Variants in PARP4 observed in about 807,000 individuals in gnomAD.
PARP4 encodes the protein poly(ADP-ribose) polymerase family member 4.
A neutral mutation model predicts 187.7 loss-of-function variants in PARP4; 120 were observed. The ratio of observed to expected loss-of-function variants is 0.64; its 90% CI spans 0.55 to 0.74. The LOEUF (loss-of-function observed/expected upper bound fraction) is 0.74. PARP4 is among the 30% of genes least tolerant of loss of function. The pLI, the probability that PARP4 is intolerant of heterozygous loss-of-function variation, is 0.00. For missense variants in PARP4, 1,836 were observed against 2,070.5 expected (o/e 0.89, Z 2.20); for synonymous variants, 654 against 740.9 (o/e 0.88, Z 1.90).
rs149131599 is a variant in PARP4, at chr13:24,478,252, C to T, written c.1473G>A (p.Pro491=). The change falls in exon 13 of 34, where the codon CCG becomes CCA. Residue 491 remains proline (P), a synonymous_variant. Coordinates refer to ENST00000381989, the MANE Select transcript of PARP4 (RefSeq NM_006437.4). ...SLSTSIKYSH[P]GETDGTRLLL... is the part of the protein sequence containing the mutation. ...GGAGTCTGGTGCCATCTGTCTCTCC[C>T]GGGTGTGAGTACTTGATACTTGTAC... 38 of 1,610,478 alleles carry T rather than the reference C, an allele frequency of 2.4e-5. 1 individual carries two copies. Among genetic ancestry groups the T allele is most frequent in the South Asian group, 1.7e-4 (15 of 90,622 alleles).
At chr13:24,438,378 T>C (rs977014062) in intron 30 of PARP4, among the ~76,000 whole-genome samples, 12 of 152,154 alleles carry the variant, frequency 7.9e-5, no homozygotes, top group Non-Finnish European at 1.5e-4. Flanking sequence ...TCACTGCCCC[T>C]CACCTCCTGC....
intron 1 of PARP4, among the ~76,000 whole-genome samples, chr13:24,504,844 C>T (rs1362454915): frequency 2.0e-5 from 3 of 151,864 alleles, no homozygotes; most frequent in Non-Finnish European, 4.4e-5. Flanking sequence ...CAGGCGCCCA[C>T]CATGACACCT....
intron 3 of PARP4, among the ~76,000 whole-genome samples, chr13:24,500,588 A>G (rs73154380): frequency 0.079 from 12,023 of 152,304 alleles, 649 homozygotes; most frequent in Non-Finnish European, 0.12. Flanking sequence ...TTTAATAAGC[A>G]TATCAGGAGG....
chr13:24,495,532 A>T (rs1868897834), intron 6 of PARP4, among the ~76,000 whole-genome samples: 1 of 152,130 alleles, frequency 6.6e-6, no homozygotes, highest in Non-Finnish European at 1.5e-5. Flanking sequence ...CTCATCCCAA[A>T]CTGCCTGTGG....
At chr13:24,425,483 T>C (rs545046861) in intron 33 of PARP4, among the ~76,000 whole-genome samples, 1 of 152,180 alleles carries the variant, frequency 6.6e-6, no homozygotes, top group East Asian at 1.9e-4. Context: ...ATCTTGCCTT[T>C]AAAAGAACAT....
chr13:24,506,228 C>T (rs914644927), intron 1 of PARP4, among the ~76,000 whole-genome samples: 1 of 151,790 alleles, frequency 6.6e-6, no homozygotes, highest in African/African-American at 2.4e-5. Context: ...GGCGGCGCAT[C>T]CAGAGTTTGT....
intron 25 of PARP4, among the ~76,000 whole-genome samples, chr13:24,447,892 C>A (rs1486062134): frequency 1.3e-5 from 2 of 152,188 alleles, no homozygotes; most frequent in Non-Finnish European, 2.9e-5. Context: ...ATTTCACACC[C>A]AGTGGGATGG....
chr13:24,451,710 C>A (rs1040124559), intron 24 of PARP4, among the ~76,000 whole-genome samples: 1 of 152,180 alleles, frequency 6.6e-6, no homozygotes, highest in Non-Finnish European at 1.5e-5. Flanking sequence ...CAGAGGCAGG[C>A]AGGATGGGCA....
intron 32 of PARP4, among the ~76,000 whole-genome samples, chr13:24,427,979 G>A (rs1472252875): frequency 3.3e-5 from 5 of 151,970 alleles, no homozygotes; most frequent in Non-Finnish European, 5.9e-5. Flanking sequence ...GTGTATCAGC[G>A]TCATTTAAAA....
intron 27 of PARP4, among the ~76,000 whole-genome samples, chr13:24,445,139 T>G (rs1871146581): frequency 6.6e-6 from 1 of 152,100 alleles, no homozygotes; most frequent in Non-Finnish European, 1.5e-5. Context: ...CTTCTTTGAG[T>G]CTCACGTGGC....
chr13:24,505,263 G>T (rs1448968802), intron 1 of PARP4, among the ~76,000 whole-genome samples: 7 of 152,262 alleles, frequency 4.6e-5, no homozygotes, highest in Admixed American at 3.9e-4. Flanking sequence ...CCAGCCTAAT[G>T]CCACAGCCCA....
chr13:24,449,638 CAG>C, intron 25 of PARP4, 78 bp downstream of exon 25: 1 of 827,482 alleles, frequency 1.2e-6, no homozygotes, highest in Non-Finnish European at 2.0e-6. Flanking sequence ...CAAGGAAACA[CAG>C]ATATTCCTAT....
At chr13:24,452,208 G>A (rs540443092) in intron 24 of PARP4, 198 bp downstream of exon 24, 1 of 516,266 alleles carries the variant, frequency 1.9e-6, no homozygotes, top group Admixed American at 3.5e-5. Context: ...CTTGCTCAAG[G>A]TCACGGCTAA....
At chr13:24,507,079 C>T (rs927933091) in intron 1 of PARP4, among the ~76,000 whole-genome samples, 9 of 149,068 alleles carry the variant, frequency 6.0e-5, no homozygotes, top group Non-Finnish European at 1.0e-4. Context: ...CCGGGGCCGG[C>T]GGGGCCAGCG....
rs1404864373 is a variant in PARP4 at position 24,435,144 on chromosome 13, C to G, written c.3997G>C (p.Ala1333Pro). 3 of 1,614,082 alleles carry G rather than the reference C, an allele frequency of 1.9e-6. No homozygotes were observed. Among genetic ancestry groups the G allele is most frequent in the East Asian group, 4.5e-5 (2 of 44,882 alleles). Residue 1333 changes from alanine to proline, a missense_variant, in exon 31 of 34, where the codon GCT becomes CCT. Coordinates refer to ENST00000381989, the MANE Select transcript of PARP4 (RefSeq NM_006437.4). ...AAAGACAAGGAAGCAGGACTGTGAG[C>G]GCGGGCAGTCGGGGGAAGATAGGAA... ...VGSYLPPTARAHSPASLSFAS... is the reference protein window; with the variant it reads ...VGSYLPPTARPHSPASLSFAS...
chr13:24,453,718 CAAT>C (rs1216886981), intron 22 of PARP4, 64 bp from the exon 23 acceptor site: 29 of 866,840 alleles, frequency 3.3e-5, no homozygotes, highest in Non-Finnish European at 5.2e-5. Flanking sequence ...CACTAACAAA[CAAT>C]AATGTTATTT....
At chr13:24,444,449 A>G (rs1490094497) in intron 27 of PARP4, among the ~76,000 whole-genome samples, 8 of 152,280 alleles carry the variant, frequency 5.3e-5, no homozygotes, top group East Asian at 1.9e-4. Flanking sequence ...TAGTAAGTCA[A>G]TGATACCGAT....
intron 25 of PARP4, among the ~76,000 whole-genome samples, chr13:24,449,157 G>T (rs9551103): frequency 6.6e-6 from 1 of 152,004 alleles, no homozygotes; most frequent in East Asian, 1.9e-4. Context: ...GGGAGGCCAA[G>T]GTGGGCAGAT....
Position 24,494,808 on chromosome 13 carries a change from C to T in PARP4, c.592-86G>A. 8 of 792,944 alleles carry T rather than the reference C, an allele frequency of 1.0e-5. 1 individual carries two copies. Among genetic ancestry groups the T allele is most frequent in the Non-Finnish European group, 1.6e-5 (8 of 505,476 alleles). 49.1% of individuals were successfully genotyped at this position (792,944 alleles called of 1,614,324 possible). A position where few individuals can be genotyped will look rare whatever the true frequency, so the allele number is the denominator to read the frequency against. On this transcript the variant is annotated intron_variant, in intron 6 of 33. Transcript: ENST00000381989. ...CATAAATAAAGCAGTAGGTCCTTGA[C>T]ATGAAGAAGCTTAGAAATTAGTTTT...
Sources: allele counts gnomAD v4.1 joint callset (sites outside exome capture counted in the v4.1 genomes callset), GRCh38; gene constraint gnomAD v4.1.1; transcripts MANE v1.5; gene names NCBI Gene and HGNC (gene_info 2026-07-23, HGNC 2026-07-21).